The following GAS6 variants were observed in gnomAD, a reference collection of about 807,000 sequenced individuals.
The protein encoded by GAS6 is growth arrest specific 6.
In GAS6, 41 loss-of-function variants were observed where a neutral mutation model predicts 75.8. That is an observed-to-expected ratio of 0.54 (90% CI 0.42 to 0.70). The LOEUF is 0.70. Ranked by LOEUF, GAS6 falls within the 30% of genes least tolerant of loss-of-function variation. The pLI, the probability that GAS6 is intolerant of heterozygous loss-of-function variation, is 0.00. For synonymous variants in GAS6, 432 were observed against 412.6 expected, an observed-to-expected ratio of 1.05 and a Z score of -0.57; for missense variants, 854 against 940.2, an observed-to-expected ratio of 0.91 and a Z score of 1.20.
rs200979235 is a variant in GAS6 at position 113,832,327 on chromosome 13, G to A, written c.1115C>T (p.Pro372Leu). The A allele has an allele frequency of 9.1e-5, 146 of 1,601,220 alleles. No homozygotes were observed. Among genetic ancestry groups the A allele is most frequent in the Middle Eastern group, 2.0e-4 (1 of 5,108 alleles). Residue 372 changes from proline (P) to leucine (L), a missense_variant, in exon 10 of 15, where the codon CCG becomes CTG. Coordinates refer to ENST00000327773, the MANE Select transcript of GAS6 (RefSeq NM_000820.4). Reference protein sequence around the residue: ...NGVGRVTSSGPVINHGMWQTI... With the variant: ...NGVGRVTSSGLVINHGMWQTI... Reference sequence around the variant, plus strand: ...CTGCCACATGCCATGGTTGATGACCGGGCCGCTGCTGGTGACACGGCCGAC... The same window carrying A: ...CTGCCACATGCCATGGTTGATGACCAGGCCGCTGCTGGTGACACGGCCGAC...
Position 113,838,090 on chromosome 13 carries a change from A to T in GAS6, c.568T>A (p.Ser190Thr). Residue 190 changes from serine to threonine, a missense_variant, in exon 6 of 15, where the codon TCT becomes ACT. Coordinates refer to ENST00000327773, the MANE Select transcript of GAS6 (RefSeq NM_000820.4). ...TTACCTTGGCAGGTCCTGCCATCAG[A>T]GGAGAGCTCGAAGCCGCTGTGGCAG... ...CSCHSGFELSSDGRTCQDIDE... is the reference protein window; with the variant it reads ...CSCHSGFELSTDGRTCQDIDE... The T allele has an allele frequency of 1.9e-6, 3 of 1,612,856 alleles. No individual in the cohort carries two copies. Among genetic ancestry groups the T allele is most frequent in the Non-Finnish European group, 1.7e-6 (2 of 1,179,868 alleles).
chr13:113,834,705 G>T, intron 7 of GAS6, 33 bp from the exon 8 acceptor site: 5 of 1,501,952 alleles, frequency 3.3e-6, no homozygotes, highest in Non-Finnish European at 3.6e-6. Context: ...GGTGAGCCGG[G>T]GAGGCCTCTA....
intron 12 of GAS6, among the ~76,000 whole-genome samples, chr13:113,826,507 C>T (rs77641013): frequency 0.035 from 2,772 of 78,986 alleles, 273 homozygotes; most frequent in East Asian, 0.072. Context: ...GCGCCGGCCT[C>T]GCAGGCACCT....
chr13:113,834,231 A>G (rs2051670858), intron 8 of GAS6, among the ~76,000 whole-genome samples: 1 of 151,188 alleles, frequency 6.6e-6, no homozygotes, highest in Admixed American at 6.6e-5. Context: ...TCGGTGTGAC[A>G]GGCACCGGTG....
rs1356612645 is a variant in GAS6 at position 113,848,956 on chromosome 13, A to T, written c.256-906T>A. On this transcript the variant is annotated intron_variant, in intron 2 of 14. Transcript: ENST00000327773. The surrounding 1 kb of genome is among the most constrained non-coding windows in gnomAD (Gnocchi z 4.8). ...CTGGTAGCATTTTGCAGAGTAGCAG[A>T]CAGAGGCGGTAGGTACCCAGCGCCG... is the stretch of plus-strand genomic sequence containing the variant. Among the ~76,000 whole-genome samples, 1 of 152,226 alleles carries T rather than the reference A, an allele frequency of 6.6e-6. No individual in the cohort carries two copies. Among genetic ancestry groups the T allele is most frequent in the Non-Finnish European group, 1.5e-5 (1 of 68,046 alleles).
Position 113,845,003 on chromosome 13 carries a change from G to C in GAS6, c.343+1524C>G, listed in dbSNP as rs1425780652. ...TGTGAATACAGAATTTAAAAGAAGA[G>C]ACTGGTTTAGCAATCACTAAGATAA... On this transcript the variant is annotated intron_variant, in intron 4 of 14. Transcript: ENST00000327773. The surrounding 1 kb of genome is among the most constrained non-coding windows in gnomAD (Gnocchi z 4.3). 2.0e-5 allele frequency: 3 copies of C among 149,444 alleles called. No homozygotes were observed. Among genetic ancestry groups the C allele is most frequent in the Non-Finnish European group, 4.4e-5 (3 of 67,972 alleles). The allele number at this position is 149,444 out of a possible 1,614,324, so 9.3% of individuals were successfully genotyped here.
At chr13:113,826,409 CG>C (rs2051540196) in intron 12 of GAS6, among the ~76,000 whole-genome samples, 1 of 146,988 alleles carries the variant, frequency 6.8e-6, no homozygotes, top group Non-Finnish European at 1.5e-5. Context: ...CTTCTCTCCC[CG>C]GCCTCCCGGC....
Position 113,826,644 on chromosome 13 carries a change from G to A in GAS6, c.1477+352C>T, listed in dbSNP as rs576729111. Among the ~76,000 whole-genome samples, 29 of 52,234 alleles carry A rather than the reference G, an allele frequency of 5.6e-4. 6 individuals carry two copies. Among genetic ancestry groups the A allele is most frequent in the African/African-American group, 2.6e-3 (21 of 8,050 alleles). The allele number at this position is 52,234 out of a possible 152,430, so 34.3% of individuals were successfully genotyped here. ...GGCCTCGCAGGCACCTTCTCTCCCCGGCCTCCTGGCGCCGGCCTCGCAGGC... is the reference window on the plus strand; with the variant it reads ...GGCCTCGCAGGCACCTTCTCTCCCCAGCCTCCTGGCGCCGGCCTCGCAGGC... On this transcript the variant is annotated intron_variant, in intron 12 of 14. Coordinates refer to ENST00000327773, the MANE Select transcript of GAS6 (RefSeq NM_000820.4).
Position 113,838,050 on chromosome 13 carries a change from C to T in GAS6, c.589+19G>A. The T allele has an allele frequency of 6.2e-7, 1 of 1,611,302 alleles. No homozygotes were observed. The highest frequency in any genetic ancestry group is 8.5e-7 in the Non-Finnish European group (1 of 1,179,634). ...GTGGGGAGAGGAGAGAGGAGAGAGGCCTCACCCCAGGGCCTTACCTTGGCA... is the reference window on the plus strand; with the variant it reads ...GTGGGGAGAGGAGAGAGGAGAGAGGTCTCACCCCAGGGCCTTACCTTGGCA... On this transcript the variant is annotated intron_variant, in intron 6 of 14. Transcript: ENST00000327773.
Position 113,820,672 on chromosome 13 carries a change from G to C in GAS6, c.*192C>G. ...CTCTGCGCTGCGCCGGCCTCCCCGC[G>C]CCCGGGCCCACGGCTGAGTGCGCGG... is the stretch of plus-strand genomic sequence containing the variant. On this transcript the variant is annotated 3_prime_UTR_variant, in exon 15 of 15. Transcript: ENST00000327773. 1 of 627,774 alleles carries C rather than the reference G, an allele frequency of 1.6e-6. No individual in the cohort carries two copies. The highest frequency in any genetic ancestry group is 2.7e-6 in the Non-Finnish European group (1 of 371,740). The allele number at this position is 627,774 out of a possible 1,614,324, so 38.9% of individuals were successfully genotyped here. A position where few individuals can be genotyped will look rare whatever the true frequency, so the allele number is the denominator to read the frequency against.
chr13:113,824,223 CG>C (rs2051503055), intron 12 of GAS6, among the ~76,000 whole-genome samples: 1 of 113,966 alleles, frequency 8.8e-6, no homozygotes, highest in Admixed American at 8.8e-5. Flanking sequence ...GTCGGGAGCA[CG>C]CGCGGTCTGG....
chr13:113,858,593 A>G (rs1305370382), intron 2 of GAS6, among the ~76,000 whole-genome samples: 1 of 142,098 alleles, frequency 7.0e-6, no homozygotes, highest in Non-Finnish European at 1.5e-5. Flanking sequence ...GTGACTGTGT[A>G]CGTATGTGTA....
At chr13:113,841,629 C>G (rs1416540128) in intron 4 of GAS6, 10 of 163,066 alleles carry the variant, frequency 6.1e-5, no homozygotes, top group Non-Finnish European at 1.1e-4. Context: ...ATACACCCCA[C>G]AGTTTCCTCC....
intron 10 of GAS6, 147 bp from the exon 11 acceptor site, chr13:113,828,858 C>T: frequency 1.2e-6 from 1 of 822,800 alleles, no homozygotes; most frequent in Non-Finnish European, 1.9e-6. Flanking sequence ...CCAAGAGGGT[C>T]CCAACCTCAG....
At position 113,820,843 on chromosome 13, in the gene GAS6, C is replaced by G; in HGVS notation, c.*21G>C. 1 of 1,603,800 alleles carries G rather than the reference C, an allele frequency of 6.2e-7. No individual in the cohort carries two copies. Among genetic ancestry groups the G allele is most frequent in the Non-Finnish European group, 8.5e-7 (1 of 1,177,680 alleles). The stretch of plus-strand genomic sequence containing the variant: ...GCTGTCTCGGACAGAGACTGAGAAG[C>G]CTGCCGCGTCCCGTGGGGGCCTAGG... On this transcript the variant is annotated 3_prime_UTR_variant, in exon 15 of 15. Transcript: ENST00000327773.
At chr13:113,841,280 C>T (rs1159074471) in intron 4 of GAS6, 1 of 152,528 alleles carries the variant, frequency 6.6e-6, no homozygotes, top group Non-Finnish European at 1.5e-5. Flanking sequence ...GGCACAGACA[C>T]AGCCCCTGTC....
chr13:113,834,602 G>A lies in GAS6; in HGVS notation c.783C>T (p.His261=), dbSNP rs748780830. 1.9e-6 allele frequency: 3 copies of A among 1,590,694 alleles called. No homozygotes were observed. Among genetic ancestry groups the A allele is most frequent in the African/African-American group, 1.3e-5 (1 of 74,298 alleles). The change falls in exon 8 of 15, where the codon CAC becomes CAT. Residue 261 remains histidine, a synonymous_variant. Transcript: ENST00000327773. ...CVNSPGSYTC[H]CDGRGGLKLS... ...GCTTGAGGCCCCCACGCCCGTCACAGTGGCAGGTGTAGCTCCCTGGGGAGT... is the reference window on the plus strand; with the variant it reads ...GCTTGAGGCCCCCACGCCCGTCACAATGGCAGGTGTAGCTCCCTGGGGAGT...
chr13:113,859,515 C>T (rs2051953194), intron 2 of GAS6, among the ~76,000 whole-genome samples: 1 of 142,064 alleles, frequency 7.0e-6, no homozygotes, highest in African/African-American at 2.7e-5. Context: ...TGTGTGTGTG[C>T]CTGTTTATGT....
In GAS6 at chr13:113,820,873, G is replaced by A. The variant is rs746689718; in HGVS notation, c.2028C>T (p.Ala676=). 1.7e-5 allele frequency: 27 copies of A among 1,610,156 alleles called. No homozygotes were observed. Among genetic ancestry groups the A allele is most frequent in the Middle Eastern group, 1.9e-4 (1 of 5,308 alleles). ...TAHSCPPVEP[A]AA is the part of the protein sequence containing the mutation. ...CGCGTCCCGTGGGGGCCTAGGCTGC[G>A]GCGGGCTCCACGGGGGGGCAGGAGT... is the stretch of plus-strand genomic sequence containing the variant. The change falls in exon 15 of 15, where the codon GCC becomes GCT. Residue 676 remains alanine (A), a synonymous_variant. Transcript: ENST00000327773.
Sources: gnomAD v4.1 joint callset for allele counts (sites outside exome capture counted in the v4.1 genomes callset) on GRCh38, gnomAD v4.1.1 for gene constraint, Gnocchi (gnomAD v3.1) non-coding constraint, MANE v1.5 for transcripts, NCBI Gene and HGNC (gene_info 2026-07-23, HGNC 2026-07-21) for gene names.